Variants in XRRA1 observed in about 807,000 individuals in gnomAD.
XRRA1 encodes the protein X-ray radiation resistance associated 1, also known as X-ray radiation resistance-associated protein 1.
In XRRA1, 69 loss-of-function variants were observed where a neutral mutation model predicts 80.2. That is an observed-to-expected ratio of 0.86 (90% confidence interval 0.71 to 1.05). XRRA1 has a LOEUF of 1.05. Among genes scored for constraint, XRRA1 ranks in the 50% least tolerant of loss-of-function variants. The probability of loss-of-function intolerance (pLI) is 0.00; values close to 1 mark genes in which losing one functional copy is unlikely to be tolerated. For missense variants in XRRA1, 967 were observed against 976.4 expected, an observed-to-expected ratio of 0.99 and a Z score of 0.13; for synonymous variants, 348 against 389.9, an observed-to-expected ratio of 0.89 and a Z score of 1.27.
intron 10 of XRRA1, chr11:74,876,923 G>C (rs566051611): frequency 1.3e-5 from 2 of 152,242 alleles, no homozygotes; most frequent in East Asian, 1.9e-4. Context: ...GGAAGATTTT[G>C]ATTATCCATG....
chr11:74,872,958 A>T (rs917368700), intron 10 of XRRA1, among the ~76,000 whole-genome samples: 2 of 145,754 alleles, frequency 1.4e-5, no homozygotes, highest in Non-Finnish European at 2.9e-5. Context: ...CCTATTATTT[A>T]CTCATGCCTT....
At chr11:74,859,436 C>T (rs1348072248) in intron 11 of XRRA1, among the ~76,000 whole-genome samples, 153 bp from the exon 12 acceptor site, 2 of 152,114 alleles carry the variant, frequency 1.3e-5, no homozygotes, top group African/African-American at 4.8e-5. Context: ...GGGTAGATGT[C>T]GCCATCAGCC....
chr11:74,871,890 G>A (rs1347203203), intron 10 of XRRA1, among the ~76,000 whole-genome samples: 1 of 152,230 alleles, frequency 6.6e-6, no homozygotes, highest in East Asian at 1.9e-4. Context: ...GAGATGTTAT[G>A]CTGCTCCTAA....
chr11:74,907,863 G>A (rs112276788), intron 8 of XRRA1, among the ~76,000 whole-genome samples: 78 of 152,288 alleles, frequency 5.1e-4, no homozygotes, highest in African/African-American at 1.9e-3. Flanking sequence ...ACTCTCTGAA[G>A]ATTCCCAGAA....
intron 5 of XRRA1, chr11:74,931,718 T>C (rs1197029846): frequency 6.6e-6 from 1 of 152,246 alleles, no homozygotes; most frequent in East Asian, 1.9e-4. Flanking sequence ...TAAATTTTAT[T>C]ACAAACAATT....
chr11:74,871,281 C>T (rs2044717665), intron 10 of XRRA1, among the ~76,000 whole-genome samples: 1 of 152,212 alleles, frequency 6.6e-6, no homozygotes, highest in Non-Finnish European at 1.5e-5. Context: ...TGCCGAGGCT[C>T]AGGGAACCAA....
At chr11:74,922,390 G>A (rs983916348) in intron 7 of XRRA1, among the ~76,000 whole-genome samples, 21 of 152,064 alleles carry the variant, frequency 1.4e-4, no homozygotes, top group African/African-American at 5.1e-4. Flanking sequence ...TGGGGTCAAG[G>A]GGCCAAGGGG....
intron 3 of XRRA1, among the ~76,000 whole-genome samples, chr11:74,940,181 T>G (rs759177916): frequency 6.6e-6 from 1 of 152,236 alleles, no homozygotes; most frequent in Non-Finnish European, 1.5e-5. Flanking sequence ...AGGGCTCTTA[T>G]TATGACAATT....
chr11:74,912,127 G>A (rs913679353), intron 8 of XRRA1, among the ~76,000 whole-genome samples: 3 of 152,152 alleles, frequency 2.0e-5, no homozygotes, highest in African/African-American at 7.2e-5. Context: ...AAAACACCCA[G>A]TCAGGAATTT....
intron 10 of XRRA1, among the ~76,000 whole-genome samples, chr11:74,889,691 A>AT (rs1333859524): frequency 2.0e-5 from 3 of 152,192 alleles, no homozygotes; most frequent in African/African-American, 7.2e-5. Flanking sequence ...TAGGCTCAAA[A>AT]TAAAGGGATG....
chr11:74,900,535 T>C (rs1231370921), intron 10 of XRRA1, among the ~76,000 whole-genome samples: 3 of 151,544 alleles, frequency 2.0e-5, no homozygotes, highest in African/African-American at 4.9e-5. Context: ...TGAGCCAAGA[T>C]CGTGCCATTG....
intron 12 of XRRA1, among the ~76,000 whole-genome samples, chr11:74,853,857 A>T (rs997446950): frequency 1.3e-5 from 2 of 152,154 alleles, no homozygotes; most frequent in African/African-American, 4.8e-5. Context: ...CTGGTGCAAA[A>T]TGGGGCTGGA....
At chr11:74,891,443 TATC>T (rs1231289210) in intron 10 of XRRA1, among the ~76,000 whole-genome samples, 45 of 152,158 alleles carry the variant, frequency 3.0e-4, no homozygotes, top group African/African-American at 1.1e-3. Context: ...CCACAGCCAA[TATC>T]ATACTGAATG....
chr11:74,873,156 C>T (rs2045262191), intron 10 of XRRA1, among the ~76,000 whole-genome samples: 1 of 152,170 alleles, frequency 6.6e-6, no homozygotes, highest in East Asian at 1.9e-4. Context: ...GATCCCACTG[C>T]TTTTCTTAAC....
At chr11:74,947,254 G>A (rs1947772544) in intron 1 of XRRA1, among the ~76,000 whole-genome samples, 1 of 152,120 alleles carries the variant, frequency 6.6e-6, no homozygotes, top group African/African-American at 2.4e-5. Flanking sequence ...GGCCTGGTGT[G>A]GTGGTTCATG....
chr11:74,919,111 A>C (rs1939813281), intron 8 of XRRA1: 3 of 152,300 alleles, frequency 2.0e-5, no homozygotes, highest in Non-Finnish European at 4.4e-5. Context: ...CATGTAACCA[A>C]TTCCCTCTCT....
At chr11:74,930,478 A>T in intron 5 of XRRA1, 106 bp from the exon 6 acceptor site, 2 of 839,222 alleles carry the variant, frequency 2.4e-6, no homozygotes, top group East Asian at 5.3e-5. Flanking sequence ...CAAAGACCTA[A>T]AGGAATAAGG....
At chr11:74,875,443 C>T (rs1035451857) in intron 10 of XRRA1, among the ~76,000 whole-genome samples, 7 of 152,296 alleles carry the variant, frequency 4.6e-5, no homozygotes, top group East Asian at 3.9e-4. Context: ...GCCAGCCTCC[C>T]GCCAGTGGAA....
At chr11:74,861,687 A>G (rs981991557) in intron 11 of XRRA1, among the ~76,000 whole-genome samples, 1 of 152,188 alleles carries the variant, frequency 6.6e-6, no homozygotes, top group African/African-American at 2.4e-5. Flanking sequence ...CCATGGAAAA[A>G]TTGTCTTCCA....
Sources: gnomAD v4.1 joint callset for allele counts (sites outside exome capture counted in the v4.1 genomes callset) on GRCh38, gnomAD v4.1.1 for gene constraint, MANE v1.5 for transcripts, NCBI Gene and HGNC (gene_info 2026-07-23, HGNC 2026-07-21) for gene names.